The following WT1 variants were observed in gnomAD, a reference collection of about 807,000 sequenced individuals.
The protein encoded by WT1 is WT1 transcription factor, also known as Wilms tumor protein.
A neutral mutation model predicts 60.8 loss-of-function variants in WT1; 8 were observed. The ratio of observed to expected loss-of-function variants is 0.13; its 90% confidence interval spans 0.08 to 0.24. The LOEUF (loss-of-function observed/expected upper bound fraction) is 0.24. Among genes scored for constraint, WT1 ranks in the 10% least tolerant of loss-of-function variants. The pLI, the probability that WT1 is intolerant of heterozygous loss-of-function variation, is 1.00. For missense variants in WT1, 568 were observed against 711.8 expected, an observed-to-expected ratio of 0.80 and a Z score of 2.30; for synonymous variants, 312 against 297.1, an observed-to-expected ratio of 1.05 and a Z score of -0.52.
intron 1 of WT1, among the ~76,000 whole-genome samples, chr11:32,429,958 A>C (rs1036456677): frequency 7.0e-6 from 1 of 142,052 alleles, no homozygotes; most frequent in African/African-American, 2.6e-5. Flanking sequence ...TCATGCACAC[A>C]CACCACCACC....
chr11:32,393,591 A>G lies in WT1; in HGVS notation c.1265-836T>C, dbSNP rs1175866084. On this transcript the variant is annotated intron_variant, in intron 7 of 9. Coordinates refer to ENST00000452863, the MANE Select transcript of WT1 (RefSeq NM_024426.6). Reference sequence around the variant, plus strand: ...AAGGCAGCCCCCTGTTACCTTTCCAATCTCAAAGCCTGGGCTATTTCCCTC... The same window carrying G: ...AAGGCAGCCCCCTGTTACCTTTCCAGTCTCAAAGCCTGGGCTATTTCCCTC... Among the ~76,000 whole-genome samples the G allele has an allele frequency of 2.6e-5, 4 of 152,290 alleles. No individual in the cohort carries two copies. The South Asian group carries it at 6.2e-4, about 24-fold the overall frequency.
At chr11:32,398,269 C>A (rs1324040476) in intron 6 of WT1, among the ~76,000 whole-genome samples, 1 of 152,160 alleles carries the variant, frequency 6.6e-6, no homozygotes, top group Non-Finnish European at 1.5e-5. Flanking sequence ...CCAGATACAA[C>A]TTATATCTAG....
chr11:32,420,083 T>G (rs1231638019), intron 3 of WT1, among the ~76,000 whole-genome samples: 1 of 152,232 alleles, frequency 6.6e-6, no homozygotes, highest in African/African-American at 2.4e-5. Context: ...TTTTCTAGTG[T>G]GTACTGTACT....
At chr11:32,426,249 T>G (rs1317913480) in intron 3 of WT1, among the ~76,000 whole-genome samples, 1 of 152,144 alleles carries the variant, frequency 6.6e-6, no homozygotes, top group African/African-American at 2.4e-5. Flanking sequence ...ACACACCAAC[T>G]GAGTCCACAG....
At chr11:32,392,970 A>T (rs1851861300) in intron 7 of WT1, among the ~76,000 whole-genome samples, 1 of 145,504 alleles carries the variant, frequency 6.9e-6, no homozygotes, top group South Asian at 2.1e-4. Flanking sequence ...TAGCTCTGCC[A>T]TTAAAAAAAA....
intron 1 of WT1, 116 bp downstream of exon 1, chr11:32,434,584 G>C (rs1853424283): frequency 6.4e-7 from 1 of 1,554,998 alleles, no homozygotes; most frequent in East Asian, 2.3e-5. Context: ...CACGGCCCTT[G>C]GGAAGCAGCT....
chr11:32,434,871 C>T lies in WT1; in HGVS notation c.490G>A (p.Ala164Thr), dbSNP rs986597775. 1 of 1,612,416 alleles carries T rather than the reference C, an allele frequency of 6.2e-7. No individual in the cohort carries two copies. Among genetic ancestry groups the T allele is most frequent in the Admixed American group, 1.7e-5 (1 of 59,966 alleles). ...TGGCCGGAAAAGTGGACAGTGAAGGCGCTCAGGCACTGCTCCTCGTGCGGC... is the reference window on the plus strand; with the variant it reads ...TGGCCGGAAAAGTGGACAGTGAAGGTGCTCAGGCACTGCTCCTCGTGCGGC... Residue 164 changes from alanine (A) to threonine (T), a missense_variant, in exon 1 of 10, where the codon GCC (alanine) becomes ACC (threonine). Ala to Thr is a moderately conservative substitution (Grantham distance 58). Transcript: ENST00000452863.
At chr11:32,429,010 C>T (rs908213610) in intron 1 of WT1, 26 of 336,296 alleles carry the variant, frequency 7.7e-5, no homozygotes, top group Non-Finnish European at 1.3e-4. Flanking sequence ...AGGAGCAGCG[C>T]GGGCAAGCGA....
In WT1 at chr11:32,392,760, G is replaced by T. The variant is rs1851854411; in HGVS notation, c.1265-5C>A. On this transcript the variant is annotated splice_region_variant and splice_polypyrimidine_tract_variant and intron_variant, in intron 7 of 9. Coordinates refer to ENST00000452863, the MANE Select transcript of WT1 (RefSeq NM_024426.6). ...CACACTGGTATGGTTTCTCACCTTG[G>T]GGAAGACACATATTCTATTTGAAAA... The T allele has an allele frequency of 6.2e-7, 1 of 1,613,386 alleles. No homozygotes were observed.
In WT1 at chr11:32,411,200, C is replaced by T. The variant is rs554507791; in HGVS notation, c.1016+5290G>A. ...ATCCCAACCTTTCTTTCCTATCTTT[C>T]CTATTCAGCTCCTTTCTTCTCCAGA... is the stretch of plus-strand genomic sequence containing the variant. On this transcript the variant is annotated intron_variant, in intron 5 of 9. Coordinates refer to ENST00000452863, the MANE Select transcript of WT1 (RefSeq NM_024426.6). 2.0e-5 allele frequency among the ~76,000 whole-genome samples: 3 copies of T among 152,250 alleles called. No homozygotes were observed. In the South Asian group the frequency reaches 6.2e-4, roughly 32 times the overall value.
chr11:32,395,074 T>C (rs896907420), intron 7 of WT1, among the ~76,000 whole-genome samples: 13 of 152,376 alleles, frequency 8.5e-5, no homozygotes, highest in Non-Finnish European at 1.5e-5. Context: ...CAAACTCAGA[T>C]TGACACCAGA....
chr11:32,393,620 A>C (rs1851881367), intron 7 of WT1, among the ~76,000 whole-genome samples: 1 of 152,158 alleles, frequency 6.6e-6, no homozygotes, highest in South Asian at 2.1e-4. Flanking sequence ...TTCCCTCATG[A>C]ATCTCTATTC....
rs1410071945 is a variant in WT1, at chr11:32,430,660, G to T, written c.662-2041C>A. ...GAGTCGCGGCACCCACTCTCGAGAC[G>T]TCCGTCCGCACCCCAGAACTCGGGC... On this transcript the variant is annotated intron_variant, in intron 1 of 9. Coordinates refer to ENST00000452863, the MANE Select transcript of WT1 (RefSeq NM_024426.6). The T allele has an allele frequency of 3.4e-6, 5 of 1,478,094 alleles. No individual in the cohort carries two copies. In the Admixed American group the frequency reaches 9.1e-5, roughly 27 times the overall value. 91.6% of individuals were successfully genotyped at this position (1,478,094 alleles called of 1,614,324 possible). A position where few individuals can be genotyped will look rare whatever the true frequency, so the allele number is the denominator to read the frequency against.
In WT1 at chr11:32,388,080, T is replaced by C. The variant is rs1241055722; in HGVS notation, c.*978A>G. 1.5e-5 allele frequency: 3 copies of C among 197,080 alleles called. No homozygotes were observed. The highest frequency in any genetic ancestry group is 1.8e-4 in the Admixed American group (2 of 10,918). The allele number at this position is 197,080 out of a possible 1,614,324, so 12.2% of individuals were successfully genotyped here. A position where few individuals can be genotyped will look rare whatever the true frequency, so the allele number is the denominator to read the frequency against. ...GGATTTCCTCACCCAGTAAGTCTCATTTTTTTCACATATACTTGTAGACCC... is the reference window on the plus strand; with the variant it reads ...GGATTTCCTCACCCAGTAAGTCTCACTTTTTTCACATATACTTGTAGACCC... On this transcript the variant is annotated 3_prime_UTR_variant, in exon 10 of 10. Transcript: ENST00000452863.
intron 5 of WT1, among the ~76,000 whole-genome samples, chr11:32,409,009 C>T (rs1401980037): frequency 6.6e-6 from 1 of 152,148 alleles, no homozygotes; most frequent in Non-Finnish European, 1.5e-5. Flanking sequence ...TAACACTTTA[C>T]TCAATGAATA....
At chr11:32,401,523 G>T (rs5030250) in intron 5 of WT1, among the ~76,000 whole-genome samples, 3,752 of 151,612 alleles carry the variant, frequency 0.025, 83 homozygotes, top group Non-Finnish European at 0.037. Flanking sequence ...GGTGTGGTCC[G>T]AGAAGGATGC....
chr11:32,429,035 G>A, intron 1 of WT1: 1 of 319,322 alleles, frequency 3.1e-6, no homozygotes, highest in South Asian at 2.9e-5. Context: ...AATCTGCTGG[G>A]CTAACCCCGC....
intron 1 of WT1, among the ~76,000 whole-genome samples, chr11:32,431,743 C>A (rs1263935626): frequency 6.6e-6 from 1 of 152,024 alleles, no homozygotes; most frequent in Non-Finnish European, 1.5e-5. Context: ...CCTCCTTAAG[C>A]CTTGCATCTA....
intron 6 of WT1, among the ~76,000 whole-genome samples, chr11:32,399,731 T>C (rs771266192): frequency 3.9e-5 from 6 of 152,220 alleles, no homozygotes; most frequent in Non-Finnish European, 8.8e-5. Context: ...TTAGGACGCA[T>C]CTTGCGCAGC....
Sources: allele counts gnomAD v4.1 joint callset (sites outside exome capture counted in the v4.1 genomes callset), GRCh38; gene constraint gnomAD v4.1.1; transcripts MANE v1.5; gene names NCBI Gene and HGNC (gene_info 2026-07-23, HGNC 2026-07-21).